Variants in SLC2A9 observed in about 807,000 individuals in gnomAD.
The protein encoded by SLC2A9 is solute carrier family 2, facilitated glucose transporter member 9.
Under a neutral mutation model 50.6 loss-of-function variants are expected in SLC2A9, and 39 were observed. The ratio of observed to expected loss-of-function variants is 0.77; its 90% CI spans 0.60 to 1.01. The LOEUF (loss-of-function observed/expected upper bound fraction) is 1.01, where lower values mean the gene tolerates loss of function less well. SLC2A9 is among the 50% of genes least tolerant of loss of function. The pLI is 0.00. For missense variants in SLC2A9, 686 were observed against 677.6 expected, an observed-to-expected ratio of 1.01 and a Z score of -0.14; for synonymous variants, 324 against 276.9, an observed-to-expected ratio of 1.17 and a Z score of -1.69.
Position 9,826,483 on chromosome 4 carries a change from C to A in SLC2A9, c.1537G>T (p.Ala513Ser), listed in dbSNP as rs753536918. Residue 513 changes from alanine (A) to serine (S), a missense_variant, in exon 12 of 12, where the codon GCA (alanine) becomes TCA (serine). Transcript: ENST00000264784. ...TATGCTTTGTTCCTTTTGGAAAATG[C>A]CTGGCTGATTTCTGCATAGGTTCTG... ...KNRTYAEISQ[A>S]FSKRNKAYPP... The A allele has an allele frequency of 4.3e-6, 7 of 1,613,942 alleles. No homozygotes were observed. In the South Asian group the frequency reaches 7.7e-5, roughly 18 times the overall value.
At chr4:9,778,806 C>T (rs1717916434), downstream of SLC2A9, among the ~76,000 whole-genome samples, 1 of 151,610 alleles carries the variant, frequency 6.6e-6, no homozygotes, top group Non-Finnish European at 1.5e-5. Flanking sequence ...ATCACAGTTT[C>T]TTTTTTTTTC....
At chr4:9,773,504 T>C (rs957084718) in intron 1 of SLC2A9, among the ~76,000 whole-genome samples, 3 of 152,238 alleles carry the variant, frequency 2.0e-5, no homozygotes, top group African/African-American at 7.2e-5. Context: ...GGAGGGTCAA[T>C]GAGTTCAAAT....
upstream of SLC2A9, chr4:10,025,939 C>T: frequency 6.2e-7 from 1 of 1,613,668 alleles, no homozygotes. Context: ...TCTTCATCTT[C>T]TCCTCGGTCC....
At chr4:10,014,322 G>A (rs1368738965) in intron 2 of SLC2A9, among the ~76,000 whole-genome samples, 1 of 152,224 alleles carries the variant, frequency 6.6e-6, no homozygotes, top group Non-Finnish European at 1.5e-5. Context: ...GCCCTTTACA[G>A]AGGCACCTAC....
rs139768772 is a variant in SLC2A9, at chr4:10,002,141, G to A, written c.250-5200C>T. Reference sequence around the variant, plus strand: ...AGTCAATGGCAGTGGTGGCTGCAGCGGAGCCCATAGGACCAGCTCTGGGAG... The same window carrying A: ...AGTCAATGGCAGTGGTGGCTGCAGCAGAGCCCATAGGACCAGCTCTGGGAG... On this transcript the variant is annotated intron_variant, in intron 2 of 11. Coordinates refer to ENST00000264784, the MANE Select transcript of SLC2A9 (RefSeq NM_020041.3). 6.4e-3 allele frequency among the ~76,000 whole-genome samples: 971 copies of A among 152,296 alleles called. 11 individuals carry two copies. Among genetic ancestry groups the A allele is most frequent in the Middle Eastern group, 0.041 (12 of 294 alleles).
At chr4:9,964,614 A>G (rs1752784774) in intron 5 of SLC2A9, among the ~76,000 whole-genome samples, 1 of 152,204 alleles carries the variant, frequency 6.6e-6, no homozygotes, top group Non-Finnish European at 1.5e-5. Context: ...TCACTTTAAA[A>G]TAGATGAGTA....
chr4:9,898,638 C>G (rs981638988), intron 8 of SLC2A9, among the ~76,000 whole-genome samples: 2 of 152,344 alleles, frequency 1.3e-5, no homozygotes, highest in African/African-American at 4.8e-5. Context: ...TGTCCAACTC[C>G]AGGCCGGGGC....
intron 10 of SLC2A9, among the ~76,000 whole-genome samples, chr4:9,839,571 A>G (rs967930311): frequency 6.6e-6 from 1 of 152,182 alleles, no homozygotes; most frequent in African/African-American, 2.4e-5. Context: ...ACATGGAATC[A>G]TCCTAGATGC....
intron 10 of SLC2A9, among the ~76,000 whole-genome samples, chr4:9,865,581 C>T (rs1242675300): frequency 1.3e-5 from 2 of 152,168 alleles, no homozygotes; most frequent in Non-Finnish European, 2.9e-5. Flanking sequence ...TACCAGGCAC[C>T]ATACATATCG....
At chr4:9,973,904 A>C (rs1188062444) in intron 5 of SLC2A9, among the ~76,000 whole-genome samples, 2 of 152,120 alleles carry the variant, frequency 1.3e-5, no homozygotes, top group Non-Finnish European at 2.9e-5. Context: ...TCCCTGATGA[A>C]CATAGATGAA....
intron 1 of SLC2A9, among the ~76,000 whole-genome samples, chr4:9,774,802 T>C (rs1327716184): frequency 6.6e-6 from 1 of 151,858 alleles, no homozygotes; most frequent in African/African-American, 2.4e-5. Flanking sequence ...TATCTTCCTC[T>C]CTCCCTACTT....
intron 5 of SLC2A9, among the ~76,000 whole-genome samples, chr4:9,949,347 T>C (rs1749780906): frequency 6.6e-6 from 1 of 152,168 alleles, no homozygotes; most frequent in African/African-American, 2.4e-5. Flanking sequence ...GATACAGAAA[T>C]CCCTGAAACG....
At chr4:9,944,793 G>A (rs368370088) in intron 5 of SLC2A9, among the ~76,000 whole-genome samples, 2 of 152,182 alleles carry the variant, frequency 1.3e-5, no homozygotes, top group South Asian at 2.1e-4. Context: ...TTAGCTGGCT[G>A]CAGGGAGAGG....
chr4:9,961,402 T>G (rs1578098117), intron 5 of SLC2A9, among the ~76,000 whole-genome samples: 2 of 152,180 alleles, frequency 1.3e-5, no homozygotes, highest in East Asian at 1.9e-4. Flanking sequence ...GAAATAAGAC[T>G]GAACACCTAC....
chr4:9,978,216 G>T (rs1048377218), intron 5 of SLC2A9, among the ~76,000 whole-genome samples: 1 of 152,200 alleles, frequency 6.6e-6, no homozygotes, highest in Non-Finnish European at 1.5e-5. Flanking sequence ...CTTGCAGTCT[G>T]AGTAAGAAAG....
chr4:9,947,631 A>G (rs561844737), intron 5 of SLC2A9, among the ~76,000 whole-genome samples: 15 of 152,230 alleles, frequency 9.9e-5, no homozygotes, highest in Non-Finnish European at 1.9e-4. Context: ...AACCTGCCTG[A>G]GAGCAGGCCT....
intron 1 of SLC2A9, chr4:10,034,624 G>A (rs1290322486): frequency 6.6e-6 from 1 of 152,394 alleles, no homozygotes; most frequent in Non-Finnish European, 1.5e-5. Context: ...TGTGGCGTGA[G>A]GCAAATCCCT....
chr4:9,898,231 C>T (rs16890590), intron 8 of SLC2A9, among the ~76,000 whole-genome samples: 31,035 of 151,954 alleles, frequency 0.2, 3,639 homozygotes, highest in African/African-American at 0.32. Flanking sequence ...TGTAATGTTG[C>T]CTGCTAAATG....
intron 5 of SLC2A9, among the ~76,000 whole-genome samples, chr4:9,978,158 G>A (rs973723266): frequency 1.4e-4 from 21 of 152,182 alleles, no homozygotes; most frequent in African/African-American, 4.3e-4. Flanking sequence ...TTACTGAAGA[G>A]GACACTGGGT....
Sources: allele counts gnomAD v4.1 joint callset (sites outside exome capture counted in the v4.1 genomes callset), GRCh38; gene constraint gnomAD v4.1.1; transcripts MANE v1.5; gene names NCBI Gene and HGNC (gene_info 2026-07-23, HGNC 2026-07-21).